Variants in EPHA6 observed in about 807,000 individuals in gnomAD.
The protein encoded by EPHA6 is EPH receptor A6, also known as ephrin type-A receptor 6.
In EPHA6, 50 loss-of-function variants were observed where a neutral mutation model predicts 112.0. The ratio of observed to expected loss-of-function variants is 0.45; its 90% CI spans 0.36 to 0.56. The LOEUF is 0.56. Ranked by LOEUF, EPHA6 falls within the 20% of genes least tolerant of loss-of-function variation. The pLI is 0.00. For synonymous variants in EPHA6, 529 were observed against 490.7 expected, an observed-to-expected ratio of 1.08 and a Z score of -1.03; for missense variants, 1,280 against 1,417.4, an observed-to-expected ratio of 0.90 and a Z score of 1.56.
intron 14 of EPHA6, among the ~76,000 whole-genome samples, chr3:97,716,290 C>T (rs1189162603): frequency 4.0e-5 from 5 of 125,300 alleles, no homozygotes; most frequent in Admixed American, 3.6e-4. Context: ...AAAGATGGGC[C>T]GGGCGCGGTG....
chr3:97,727,159 A>G (rs989664916), intron 15 of EPHA6, among the ~76,000 whole-genome samples: 4 of 152,076 alleles, frequency 2.6e-5, no homozygotes, highest in Non-Finnish European at 4.4e-5. Flanking sequence ...GAGGTTTACT[A>G]GAAAACAGGA....
chr3:97,096,159 T>C (rs1464200699), intron 3 of EPHA6, among the ~76,000 whole-genome samples: 2 of 151,862 alleles, frequency 1.3e-5, no homozygotes, highest in African/African-American at 4.8e-5. Flanking sequence ...ACAAAGCTAT[T>C]TTATACGTAT....
At chr3:97,038,796 C>T (rs975745272) in intron 3 of EPHA6, among the ~76,000 whole-genome samples, 3 of 151,256 alleles carry the variant, frequency 2.0e-5, no homozygotes, top group South Asian at 4.2e-4. Context: ...AATTGTGAGT[C>T]GGGGGGAAAT....
intron 3 of EPHA6, among the ~76,000 whole-genome samples, chr3:97,075,381 A>G (rs1196194448): frequency 6.6e-6 from 1 of 152,046 alleles, no homozygotes; most frequent in African/African-American, 2.4e-5. Flanking sequence ...ACTTTTGTCA[A>G]ATTTTTACTA....
At chr3:97,161,718 C>T (rs917537980) in intron 3 of EPHA6, among the ~76,000 whole-genome samples, 2 of 151,976 alleles carry the variant, frequency 1.3e-5, no homozygotes, top group Non-Finnish European at 2.9e-5. Flanking sequence ...AAAAAAAAGG[C>T]CCCTGAATTT....
intron 4 of EPHA6, among the ~76,000 whole-genome samples, chr3:97,228,928 T>G (rs892435709): frequency 2.6e-5 from 4 of 152,308 alleles, no homozygotes; most frequent in Admixed American, 2.0e-4. Flanking sequence ...AGGAGTAAGG[T>G]GGTATCGCAT....
intron 2 of EPHA6, among the ~76,000 whole-genome samples, chr3:96,935,821 A>G (rs2040552510): frequency 1.3e-5 from 2 of 151,050 alleles, no homozygotes; most frequent in Admixed American, 1.3e-4. Flanking sequence ...GCCTATTTTC[A>G]AATATGTCCT....
chr3:97,367,986 C>T (rs542335170), intron 5 of EPHA6, among the ~76,000 whole-genome samples: 18 of 152,230 alleles, frequency 1.2e-4, no homozygotes, highest in Non-Finnish European at 8.8e-5. Context: ...ACACTACTTT[C>T]ATGCTTCTTA....
At chr3:96,863,826 A>G (rs994751315) in intron 1 of EPHA6, among the ~76,000 whole-genome samples, 2 of 152,088 alleles carry the variant, frequency 1.3e-5, no homozygotes, top group Non-Finnish European at 2.9e-5. Flanking sequence ...ATAGATTTCA[A>G]TACGCATTAG....
chr3:97,542,001 T>C (rs549455516), intron 11 of EPHA6, among the ~76,000 whole-genome samples: 14 of 151,816 alleles, frequency 9.2e-5, no homozygotes, highest in Non-Finnish European at 1.6e-4. Context: ...ACTGAAGAAC[T>C]TGGAGTCCGA....
intron 3 of EPHA6, among the ~76,000 whole-genome samples, chr3:97,021,926 C>T (rs140405324): frequency 2.2e-4 from 34 of 152,236 alleles, no homozygotes; most frequent in Non-Finnish European, 4.3e-4. Flanking sequence ...ATATCATTTC[C>T]TTGGAGAGTT....
intron 6 of EPHA6, among the ~76,000 whole-genome samples, chr3:97,411,984 C>G (rs1394251013): frequency 1.3e-5 from 2 of 151,994 alleles, no homozygotes; most frequent in Non-Finnish European, 2.9e-5. Flanking sequence ...CAGCACCTCT[C>G]AAATGAGGGG....
At chr3:97,425,973 T>C (rs2089087142) in intron 6 of EPHA6, among the ~76,000 whole-genome samples, 1 of 152,292 alleles carries the variant, frequency 6.6e-6, no homozygotes, top group Admixed American at 6.5e-5. Flanking sequence ...CAGCCTGGAC[T>C]TTATTGTCCA....
At chr3:97,693,786 T>A (rs1027796619) in intron 14 of EPHA6, among the ~76,000 whole-genome samples, 1 of 152,032 alleles carries the variant, frequency 6.6e-6, no homozygotes, top group Non-Finnish European at 1.5e-5. Flanking sequence ...CCAGCCTGGG[T>A]GACAGAGCGA....
At chr3:97,593,463 T>A (rs1221862598) in intron 12 of EPHA6, among the ~76,000 whole-genome samples, 1 of 152,186 alleles carries the variant, frequency 6.6e-6, no homozygotes, top group Non-Finnish European at 1.5e-5. Context: ...TTTATATGTG[T>A]CTTAGCAAAA....
At chr3:97,690,346 G>A (rs920903322) in intron 14 of EPHA6, among the ~76,000 whole-genome samples, 89 of 152,272 alleles carry the variant, frequency 5.8e-4, no homozygotes, top group African/African-American at 2.1e-3. Flanking sequence ...ATTTCTAATG[G>A]ATGTGAAATG....
intron 5 of EPHA6, among the ~76,000 whole-genome samples, chr3:97,401,227 GTTC>G (rs2086972542): frequency 6.6e-6 from 1 of 151,696 alleles, no homozygotes; most frequent in African/African-American, 2.4e-5. Flanking sequence ...ATTGGTATTA[GTTC>G]TTCTTTAACA....
chr3:97,715,420 AT>A (rs2034170697), intron 14 of EPHA6, among the ~76,000 whole-genome samples: 1 of 152,144 alleles, frequency 6.6e-6, no homozygotes, highest in South Asian at 2.1e-4. Context: ...GCTCTTAAGG[AT>A]TTTTTAAATT....
At chr3:97,288,608 G>T (rs2108680596) in intron 5 of EPHA6, among the ~76,000 whole-genome samples, 1 of 152,252 alleles carries the variant, frequency 6.6e-6, no homozygotes, top group African/African-American at 2.4e-5. Context: ...TAATGAGATT[G>T]CTGGGTCAGA....
Sources: gnomAD v4.1 joint callset for allele counts (sites outside exome capture counted in the v4.1 genomes callset) on GRCh38, gnomAD v4.1.1 for gene constraint, MANE v1.5 for transcripts, NCBI Gene and HGNC (gene_info 2026-07-23, HGNC 2026-07-21) for gene names.